The following SYT9 variants were observed in gnomAD, a reference collection of about 807,000 sequenced individuals.
The protein encoded by SYT9 is synaptotagmin 9, also known as synaptotagmin-9.
Under a neutral mutation model 48.4 loss-of-function variants are expected in SYT9, and 22 were observed. That is an observed-to-expected ratio of 0.45 (90% confidence interval 0.32 to 0.65). The LOEUF (loss-of-function observed/expected upper bound fraction) is 0.65. Ranked by LOEUF, SYT9 falls within the 30% of genes least tolerant of loss-of-function variation. SYT9 has a pLI of 0.03. For missense variants in SYT9, 577 were observed against 622.0 expected (o/e 0.93, Z 0.77); for synonymous variants, 265 against 245.0 (o/e 1.08, Z -0.76).
chr11:7,247,518 T>G (rs1200603637), upstream of SYT9, among the ~76,000 whole-genome samples: 1 of 149,136 alleles, frequency 6.7e-6, no homozygotes, highest in Admixed American at 6.7e-5. Context: ...TATACATATA[T>G]ACACACATAT....
upstream of SYT9, among the ~76,000 whole-genome samples, chr11:7,247,360 C>T (rs954546129): frequency 6.6e-6 from 1 of 151,696 alleles, no homozygotes; most frequent in African/African-American, 2.4e-5. Context: ...GTTTGGTTTT[C>T]CATTCCTGAG....
intron 1 of SYT9, among the ~76,000 whole-genome samples, chr11:7,296,726 G>A (rs1410376452): frequency 2.6e-5 from 4 of 152,074 alleles, no homozygotes. Flanking sequence ...ATTAAATAAA[G>A]GCTTTGTATT....
At chr11:7,440,724 T>A (rs769262926) in intron 6 of SYT9, 1 of 152,130 alleles carries the variant, frequency 6.6e-6, no homozygotes, top group African/African-American at 2.4e-5. Context: ...CAAGAATAGG[T>A]TGATATTTAG....
chr11:7,418,266 C>A, intron 5 of SYT9, 138 bp downstream of exon 5: 1 of 899,624 alleles, frequency 1.1e-6, no homozygotes, highest in Non-Finnish European at 1.7e-6. Context: ...GCATGGGAAG[C>A]ACATTGACAG....
At chr11:7,447,367 C>T (rs1847953675) in intron 6 of SYT9, among the ~76,000 whole-genome samples, 1 of 152,168 alleles carries the variant, frequency 6.6e-6, no homozygotes, top group South Asian at 2.1e-4. Flanking sequence ...GAGGCACAGC[C>T]CATCACTGCT....
chr11:7,282,782 T>TG (rs1363656164), intron 1 of SYT9, among the ~76,000 whole-genome samples: 2 of 152,192 alleles, frequency 1.3e-5, no homozygotes, highest in African/African-American at 4.8e-5. Context: ...TATGGATCCC[T>TG]GTGAGTCAGA....
At chr11:7,460,471 A>T (rs1848216850) in intron 6 of SYT9, among the ~76,000 whole-genome samples, 1 of 152,240 alleles carries the variant, frequency 6.6e-6, no homozygotes, top group African/African-American at 2.4e-5. Context: ...ATTATATTAA[A>T]CACTCCAAAC....
At chr11:7,388,757 G>C (rs1241092358) in intron 3 of SYT9, among the ~76,000 whole-genome samples, 1 of 152,052 alleles carries the variant, frequency 6.6e-6, no homozygotes, top group Non-Finnish European at 1.5e-5. Flanking sequence ...ATTTTCAAAT[G>C]TATGGAAACA....
At chr11:7,401,139 C>G (rs1381644392) in intron 3 of SYT9, among the ~76,000 whole-genome samples, 4 of 151,972 alleles carry the variant, frequency 2.6e-5, no homozygotes, top group African/African-American at 9.7e-5. Flanking sequence ...GTAATGACAT[C>G]TTTGCTTTCT....
intron 3 of SYT9, among the ~76,000 whole-genome samples, chr11:7,315,398 C>A (rs910256312): frequency 2.6e-5 from 4 of 152,202 alleles, no homozygotes; most frequent in Non-Finnish European, 5.9e-5. Flanking sequence ...CATCACCCCC[C>A]ACTGGGGTAT....
At chr11:7,317,647 TG>T (rs1849265524) in intron 3 of SYT9, among the ~76,000 whole-genome samples, 1 of 152,276 alleles carries the variant, frequency 6.6e-6, no homozygotes, top group South Asian at 2.1e-4. Flanking sequence ...ATATATAAAT[TG>T]GGAGGGACAA....
chr11:7,311,009 T>TA (rs1373435043), intron 2 of SYT9, among the ~76,000 whole-genome samples: 1 of 152,084 alleles, frequency 6.6e-6, no homozygotes, highest in Non-Finnish European at 1.5e-5. Context: ...AAATTAAAAT[T>TA]AAAACTATGG....
chr11:7,393,931 T>C (rs370180408), intron 3 of SYT9, among the ~76,000 whole-genome samples: 6 of 150,422 alleles, frequency 4.0e-5, no homozygotes, highest in African/African-American at 1.5e-4. Flanking sequence ...GTGGGATTGG[T>C]TGTAATGTCA....
At chr11:7,366,178 T>C (rs1039369850) in intron 3 of SYT9, among the ~76,000 whole-genome samples, 1 of 152,190 alleles carries the variant, frequency 6.6e-6, no homozygotes, top group African/African-American at 2.4e-5. Context: ...GGCTAGCAAT[T>C]TCTCTAAGCT....
chr11:7,430,030 T>C (rs1847537638), intron 6 of SYT9, among the ~76,000 whole-genome samples: 1 of 152,148 alleles, frequency 6.6e-6, no homozygotes, highest in Admixed American at 6.5e-5. Flanking sequence ...CACATAGCTG[T>C]CCTTTCCCTT....
chr11:7,336,706 G>A (rs1180686265), intron 3 of SYT9, among the ~76,000 whole-genome samples: 1 of 152,104 alleles, frequency 6.6e-6, no homozygotes, highest in Non-Finnish European at 1.5e-5. Context: ...CTATGCATCT[G>A]TTTTTGTACC....
chr11:7,354,173 A>G (rs1043375937), intron 3 of SYT9, among the ~76,000 whole-genome samples: 3 of 152,200 alleles, frequency 2.0e-5, no homozygotes, highest in African/African-American at 7.2e-5. Flanking sequence ...AGAGCACCAC[A>G]TTGCACACCT....
chr11:7,382,909 G>A lies in SYT9; in HGVS notation c.1045-33133G>A, dbSNP rs567626516. Among the ~76,000 whole-genome samples the A allele has an allele frequency of 3.3e-5, 5 of 152,292 alleles. No individual in the cohort carries two copies. In the South Asian group the frequency reaches 1.0e-3, roughly 32 times the overall value. ...GGCTGCGGAGCTTGCCGGAGCCCCA[G>A]CACCAGCTCAGAAATTGTCATCCTC... On this transcript the variant is annotated intron_variant, in intron 3 of 6. Coordinates refer to ENST00000318881, the MANE Select transcript of SYT9 (RefSeq NM_175733.4).
At chr11:7,241,799 G>A (rs1589881449) in intron 1 of SYT9, among the ~76,000 whole-genome samples, 1 of 152,210 alleles carries the variant, frequency 6.6e-6, no homozygotes, top group Non-Finnish European at 1.5e-5. Context: ...GATCGTAAGA[G>A]TCTGAAAGAC....
Sources: allele counts gnomAD v4.1 joint callset (sites outside exome capture counted in the v4.1 genomes callset), GRCh38; gene constraint gnomAD v4.1.1; transcripts MANE v1.5; gene names NCBI Gene and HGNC (gene_info 2026-07-23, HGNC 2026-07-21).